Variants in SOX5 observed in about 807,000 individuals in gnomAD.
SOX5 encodes transcription factor SOX-5.
Under a neutral mutation model 92.0 loss-of-function variants are expected in SOX5, and 9 were observed. That is an observed-to-expected ratio of 0.10 (90% CI 0.06 to 0.17). SOX5 has a LOEUF of 0.17. Among genes scored for constraint, SOX5 ranks in the 10% least tolerant of loss-of-function variants. The pLI is 1.00. For synonymous variants in SOX5, 344 were observed against 336.3 expected (o/e 1.02, Z -0.25); for missense variants, 642 against 944.5 (o/e 0.68, Z 4.20).
intron 1 of SOX5, among the ~76,000 whole-genome samples, chr12:24,427,841 T>C (rs1369703038): frequency 1.3e-5 from 2 of 152,160 alleles, no homozygotes; most frequent in African/African-American, 4.8e-5. Flanking sequence ...CAAGAAAAGC[T>C]AGGGCAAGGA....
intron 1 of SOX5, among the ~76,000 whole-genome samples, chr12:23,929,418 G>C (rs182032981): frequency 6.6e-6 from 1 of 151,934 alleles, no homozygotes. Context: ...TCTGTGCTGT[G>C]AGCTGAATAT....
chr12:24,154,194 T>A (rs1951933936), intron 4 of SOX5, among the ~76,000 whole-genome samples: 1 of 152,092 alleles, frequency 6.6e-6, no homozygotes, highest in Non-Finnish European at 1.5e-5. Context: ...GCTCTCAAAA[T>A]ATGCATGTAG....
At chr12:23,591,841 A>AT (rs983018740) in intron 9 of SOX5, among the ~76,000 whole-genome samples, 2 of 151,914 alleles carry the variant, frequency 1.3e-5, no homozygotes, top group East Asian at 1.9e-4. Context: ...TCACAACAGT[A>AT]TTTTTTTTCT....
At chr12:23,747,446 A>G (rs559142927) in intron 4 of SOX5, among the ~76,000 whole-genome samples, 41 of 152,310 alleles carry the variant, frequency 2.7e-4, no homozygotes, top group African/African-American at 7.5e-4. Context: ...CACATGGAAT[A>G]AAATGCAAAC....
chr12:23,557,168 A>T (rs1338190962), intron 11 of SOX5, among the ~76,000 whole-genome samples: 1 of 152,174 alleles, frequency 6.6e-6, no homozygotes, highest in Non-Finnish European at 1.5e-5. Flanking sequence ...AACAAAACTA[A>T]CCTTTACTTA....
chr12:23,970,733 G>C (rs907405639), intron 4 of SOX5, among the ~76,000 whole-genome samples: 5 of 146,274 alleles, frequency 3.4e-5, no homozygotes. Context: ...ATTGTGAACC[G>C]TGCTGCAATG....
Position 24,325,451 on chromosome 12 carries a change from C to T in SOX5, c.-174+43112G>A, listed in dbSNP as rs73064409. 1.5e-3 allele frequency among the ~76,000 whole-genome samples: 223 copies of T among 152,030 alleles called. 1 individual carries two copies. The highest frequency in any genetic ancestry group is 3.1e-3 in the Admixed American group (47 of 15,274). ...ATAAAGAAAATAGAGAGGGAAGAACCGTTGAGAGAAGCAGCAGGAAGACCA... is the reference window on the plus strand; with the variant it reads ...ATAAAGAAAATAGAGAGGGAAGAACTGTTGAGAGAAGCAGCAGGAAGACCA... On this transcript the variant is annotated intron_variant, in intron 2 of 4. Coordinates refer to the SOX5 transcript ENST00000446891.
At chr12:24,119,037 GA>G (rs545450076) in intron 4 of SOX5, among the ~76,000 whole-genome samples, 239 of 149,694 alleles carry the variant, frequency 1.6e-3, no homozygotes, top group African/African-American at 5.4e-3. Flanking sequence ...AAAAAATGAG[GA>G]ATATTTTTTT....
At chr12:24,405,388 T>C (rs933592169) in intron 1 of SOX5, among the ~76,000 whole-genome samples, 2 of 152,116 alleles carry the variant, frequency 1.3e-5, no homozygotes, top group African/African-American at 2.4e-5. Flanking sequence ...ACTCATGGCG[T>C]TAGAAAACTG....
intron 2 of SOX5, among the ~76,000 whole-genome samples, chr12:23,884,431 T>C (rs2097037571): frequency 6.6e-6 from 1 of 152,126 alleles, no homozygotes; most frequent in Admixed American, 6.5e-5. Context: ...TAGAATCTCA[T>C]ATATTGCCCA....
chr12:23,970,841 A>ATATATATATATATAATTTTTAAT, intron 4 of SOX5, among the ~76,000 whole-genome samples: 3 of 21,884 alleles, frequency 1.4e-4, no homozygotes, highest in African/African-American at 3.7e-4. Context: ...TATATATATA[A>ATATATATATATATAATTTTTAAT]TTTTTTTTTT....
chr12:23,943,923 CA>C (rs1186511502), intron 1 of SOX5, among the ~76,000 whole-genome samples: 2 of 151,878 alleles, frequency 1.3e-5, no homozygotes, highest in East Asian at 3.9e-4. Context: ...ACAAAAGAAA[CA>C]AAAAACGCAT....
chr12:24,458,657 C>A (rs910237609), intron 1 of SOX5, among the ~76,000 whole-genome samples: 1 of 152,144 alleles, frequency 6.6e-6, no homozygotes, highest in Non-Finnish European at 1.5e-5. Flanking sequence ...ATCTGGGAAC[C>A]AGCAACATCA....
intron 4 of SOX5, among the ~76,000 whole-genome samples, chr12:23,745,141 A>T (rs1344048318): frequency 6.6e-6 from 1 of 152,126 alleles, no homozygotes; most frequent in Non-Finnish European, 1.5e-5. Flanking sequence ...GGGTAGGGGA[A>T]AGTGCGTAGT....
At chr12:24,091,429 T>TC (rs66660141) in intron 4 of SOX5, among the ~76,000 whole-genome samples, 1 of 9,310 alleles carries the variant, frequency 1.1e-4, no homozygotes, top group Non-Finnish European at 3.4e-4. Context: ...GAGAATGCTA[T>TC]TTTTTTTTTT....
At chr12:24,170,397 C>T (rs560543382) in intron 4 of SOX5, among the ~76,000 whole-genome samples, 7 of 152,216 alleles carry the variant, frequency 4.6e-5, no homozygotes, top group Admixed American at 2.6e-4. Context: ...ACCCAGAGTC[C>T]GGTAGGAAGA....
intron 8 of SOX5, among the ~76,000 whole-genome samples, chr12:23,625,578 C>A (rs1288753252): frequency 6.6e-6 from 1 of 152,102 alleles, no homozygotes; most frequent in Non-Finnish European, 1.5e-5. Flanking sequence ...GGATTACTAA[C>A]AGAATTGTTC....
intron 4 of SOX5, among the ~76,000 whole-genome samples, chr12:24,209,612 G>A (rs1303626071): frequency 2.0e-5 from 3 of 152,054 alleles, no homozygotes; most frequent in African/African-American, 7.2e-5. Flanking sequence ...ATACTTATTT[G>A]GCAATTGAAA....
chr12:23,591,079 T>A (rs1021547284), intron 9 of SOX5, among the ~76,000 whole-genome samples: 2 of 149,816 alleles, frequency 1.3e-5, no homozygotes, highest in Non-Finnish European at 3.0e-5. Context: ...AAATTCTCAA[T>A]GTCTTATTTT....
Sources: gnomAD v4.1 joint callset for allele counts (sites outside exome capture counted in the v4.1 genomes callset) on GRCh38, gnomAD v4.1.1 for gene constraint, MANE v1.5 for transcripts, NCBI Gene and HGNC (gene_info 2026-07-23, HGNC 2026-07-21) for gene names.